The following NCKAP5 variants were observed in gnomAD, a reference collection of about 807,000 sequenced individuals.
The protein encoded by NCKAP5 is nck-associated protein 5.
A neutral mutation model predicts 167.0 loss-of-function variants in NCKAP5; 92 were observed. That is an observed-to-expected ratio of 0.55 (90% confidence interval 0.47 to 0.66). The LOEUF is 0.66. Among genes scored for constraint, NCKAP5 ranks in the 30% least tolerant of loss-of-function variants. NCKAP5 has a pLI of 0.00. For synonymous variants in NCKAP5, 891 were observed against 877.4 expected, an observed-to-expected ratio of 1.02 and a Z score of -0.27; for missense variants, 2,378 against 2,315.0, an observed-to-expected ratio of 1.03 and a Z score of -0.56.
At chr2:133,039,681 C>T (rs1316632447) in intron 6 of NCKAP5, among the ~76,000 whole-genome samples, 1 of 152,120 alleles carries the variant, frequency 6.6e-6, no homozygotes, top group Non-Finnish European at 1.5e-5. Flanking sequence ...AACCAACAGC[C>T]CCTCCAGGAC....
At chr2:133,294,578 C>A (rs886823609) in intron 4 of NCKAP5, among the ~76,000 whole-genome samples, 22 of 152,148 alleles carry the variant, frequency 1.4e-4, no homozygotes, top group Admixed American at 5.9e-4. Flanking sequence ...CAATTTAGAG[C>A]TGGAGGGAAC....
intron 3 of NCKAP5, among the ~76,000 whole-genome samples, chr2:133,465,006 CT>C (rs11314518): frequency 0.059 from 8,521 of 143,290 alleles, 290 homozygotes; most frequent in Admixed American, 0.14. Context: ...ACTGCTTTTG[CT>C]TTTTTTTTTT....
At chr2:133,336,947 A>AT (rs1683250593) in intron 3 of NCKAP5, among the ~76,000 whole-genome samples, 1 of 152,174 alleles carries the variant, frequency 6.6e-6, no homozygotes, top group Non-Finnish European at 1.5e-5. Flanking sequence ...TTTTGCCCTC[A>AT]TGATCCTAGG....
chr2:133,621,864 A>C, the NCKAP5 span, among the ~76,000 whole-genome samples: 2 of 152,172 alleles, frequency 1.3e-5, no homozygotes, highest in Non-Finnish European at 2.9e-5. Flanking sequence ...TCCCTGATGA[A>C]CATAGAGGCA....
intron 6 of NCKAP5, among the ~76,000 whole-genome samples, chr2:133,045,353 A>G (rs2079359130): frequency 6.6e-6 from 1 of 151,936 alleles, no homozygotes; most frequent in South Asian, 2.1e-4. Context: ...ACCCATGAAA[A>G]TGTTAAAAAG....
chr2:133,006,367 T>G (rs567599297), intron 6 of NCKAP5, among the ~76,000 whole-genome samples: 1 of 152,360 alleles, frequency 6.6e-6, no homozygotes, highest in Non-Finnish European at 1.5e-5. Flanking sequence ...GTATGCCAAA[T>G]GTAGCTCACT....
chr2:133,326,715 T>G (rs1682479226), intron 3 of NCKAP5, among the ~76,000 whole-genome samples: 1 of 152,148 alleles, frequency 6.6e-6, no homozygotes, highest in Non-Finnish European at 1.5e-5. Flanking sequence ...TCTAATGACC[T>G]GTTACAGCTT....
intron 3 of NCKAP5, among the ~76,000 whole-genome samples, chr2:133,414,430 ATGCAG>A (rs1369023991): frequency 1.3e-5 from 2 of 152,082 alleles, no homozygotes; most frequent in African/African-American, 4.8e-5. Flanking sequence ...CCTAAAGGCA[ATGCAG>A]TGTTCCCATT....
chr2:133,109,704 A>T (rs191404617), intron 6 of NCKAP5, among the ~76,000 whole-genome samples: 41 of 152,250 alleles, frequency 2.7e-4, no homozygotes, highest in Non-Finnish European at 5.6e-4. Context: ...GATTAAGAGG[A>T]TTAAAAGTAT....
At chr2:132,981,300 G>A (rs1193057763) in intron 7 of NCKAP5, among the ~76,000 whole-genome samples, 1 of 152,036 alleles carries the variant, frequency 6.6e-6, no homozygotes, top group East Asian at 1.9e-4. Context: ...TTTGACACTT[G>A]GTGCATCCCA....
At position 133,299,039 on chromosome 2, in the gene NCKAP5, AAAAT is replaced by A. The variant is rs370598080; in HGVS notation, c.143+3994_143+3997del. Among the ~76,000 whole-genome samples, 28 of 151,676 alleles carry A rather than the reference AAAAT, an allele frequency of 1.8e-4. No homozygotes were observed. In the South Asian group the frequency reaches 4.4e-3, roughly 24 times the overall value. Reference sequence around the variant, plus strand: ...ACTTAAAGTATAATTTAAAAAAATAAAAATAAATAAATAAATAAATAAATAAAAA... The same window carrying A: ...ACTTAAAGTATAATTTAAAAAAATAAAAATAAATAAATAAATAAATAAAAA... On this transcript the variant is annotated intron_variant, in intron 4 of 19. Coordinates refer to ENST00000409261, the MANE Select transcript of NCKAP5 (RefSeq NM_207363.3).
At chr2:133,559,444 G>A (rs1307282774) in intron 1 of NCKAP5, among the ~76,000 whole-genome samples, 1 of 152,116 alleles carries the variant, frequency 6.6e-6, no homozygotes, top group South Asian at 2.1e-4. Context: ...TCAGCTTCCT[G>A]AGTAGCTGAG....
At chr2:133,611,814 ATCT>A in the NCKAP5 span, among the ~76,000 whole-genome samples, 1 of 152,158 alleles carries the variant, frequency 6.6e-6, no homozygotes. Context: ...CAAGTGACGA[ATCT>A]TCTCTTTTAT....
intron 11 of NCKAP5, among the ~76,000 whole-genome samples, chr2:132,841,003 C>T (rs1208848786): frequency 6.6e-6 from 1 of 152,260 alleles, no homozygotes; most frequent in East Asian, 1.9e-4. Context: ...TTCTGCAGAA[C>T]TGAAATACTG....
At chr2:132,837,551 T>A (rs1300996161) in intron 11 of NCKAP5, among the ~76,000 whole-genome samples, 1 of 148,338 alleles carries the variant, frequency 6.7e-6, no homozygotes, top group African/African-American at 2.6e-5. Context: ...TCTCTTTGTA[T>A]AGTACAATTT....
chr2:133,473,987 T>A (rs1252621807), intron 3 of NCKAP5, among the ~76,000 whole-genome samples: 1 of 152,118 alleles, frequency 6.6e-6, no homozygotes, highest in Non-Finnish European at 1.5e-5. Context: ...GAAATGAAAT[T>A]AGTATGAAAG....
intron 4 of NCKAP5, among the ~76,000 whole-genome samples, chr2:133,246,516 C>T (rs1162059780): frequency 6.6e-6 from 1 of 152,194 alleles, no homozygotes; most frequent in Non-Finnish European, 1.5e-5. Context: ...CCAGCTGATG[C>T]TGCCGCCAAT....
intron 3 of NCKAP5, among the ~76,000 whole-genome samples, chr2:133,449,037 T>C (rs888887563): frequency 6.6e-6 from 1 of 152,248 alleles, no homozygotes; most frequent in Non-Finnish European, 1.5e-5. Context: ...TCCACATAGA[T>C]TTAATTATCC....
chr2:133,529,535 A>T (rs2104819258), intron 2 of NCKAP5, among the ~76,000 whole-genome samples: 1 of 152,320 alleles, frequency 6.6e-6, no homozygotes, highest in East Asian at 1.9e-4. Flanking sequence ...ACCATGAGCA[A>T]GTCTATGTAT....
Sources: allele counts gnomAD v4.1 joint callset (sites outside exome capture counted in the v4.1 genomes callset), GRCh38; gene constraint gnomAD v4.1.1; transcripts MANE v1.5; gene names NCBI Gene and HGNC (gene_info 2026-07-23, HGNC 2026-07-21).